TRMT9B: variants seen among roughly 807,000 people sequenced by gnomAD.
TRMT9B encodes probable tRNA methyltransferase 9B.
A neutral mutation model predicts 11.5 loss-of-function variants in TRMT9B; 16 were observed. That is an observed-to-expected ratio of 1.39 (90% CI 0.94 to 2.11). The LOEUF (loss-of-function observed/expected upper bound fraction) is 2.11, where lower values mean the gene tolerates loss of function less well. TRMT9B is among the 30% of genes most tolerant of loss of function. The pLI is 0.00. For synonymous variants in TRMT9B, 274 were observed against 192.4 expected (o/e 1.42, Z -3.51); for missense variants, 941 against 553.8 (o/e 1.70, Z -7.02).
chr8:12,971,267 GTT>G (rs1803580409), intron 1 of TRMT9B, among the ~76,000 whole-genome samples: 2 of 147,758 alleles, frequency 1.4e-5, no homozygotes, highest in African/African-American at 5.0e-5. Flanking sequence ...TTTTTGTTTT[GTT>G]TTTCATTTTG....
intron 3 of TRMT9B, among the ~76,000 whole-genome samples, chr8:13,008,722 T>C (rs71522323): frequency 0.048 from 7,355 of 151,990 alleles, 227 homozygotes; most frequent in South Asian, 0.091. Flanking sequence ...GTCATAGAAA[T>C]CTAGATAATT....
At chr8:12,971,733 C>T (rs888122297) in intron 1 of TRMT9B, among the ~76,000 whole-genome samples, 3 of 152,176 alleles carry the variant, frequency 2.0e-5, no homozygotes, top group Non-Finnish European at 4.4e-5. Context: ...AGTTCAGCTA[C>T]TTATTTTCCT....
chr8:12,971,393 C>T (rs940135277), intron 1 of TRMT9B, among the ~76,000 whole-genome samples: 3 of 152,124 alleles, frequency 2.0e-5, no homozygotes, highest in South Asian at 2.1e-4. Context: ...AGGGTTCTCC[C>T]GGTACAGCAT....
In TRMT9B at chr8:13,021,943, A is replaced by G. The variant is rs1157625827; in HGVS notation, c.1264A>G (p.Ser422Gly). 2 of 1,613,732 alleles carry G rather than the reference A, an allele frequency of 1.2e-6. No homozygotes were observed. The highest frequency in any genetic ancestry group is 1.1e-5 in the South Asian group (1 of 91,050). Residue 422 changes from serine (S) to glycine (G), a missense_variant, in exon 5 of 5, where the codon AGT (serine) becomes GGT (glycine). Transcript: ENST00000524591. ...TGTGTTTCGAGAAGGGGAGCTCTGC[A>G]GTCTGCTCAAGGAGAATGTGTCAGA... ...YHVFREGELC[S>G]LLKENVSELR...
chr8:13,016,689 T>G (rs1338918273), intron 4 of TRMT9B, among the ~76,000 whole-genome samples: 2 of 151,732 alleles, frequency 1.3e-5, no homozygotes, highest in East Asian at 1.9e-4. Flanking sequence ...TGGTGGCGCA[T>G]TAACATAGGA....
chr8:13,001,435 C>T (rs1034247415), intron 2 of TRMT9B, among the ~76,000 whole-genome samples: 1 of 152,196 alleles, frequency 6.6e-6, no homozygotes, highest in African/African-American at 2.4e-5. Context: ...AAAACGTTTA[C>T]CGTCTCATAC....
chr8:12,952,191 G>A (rs2272623), intron 1 of TRMT9B: 219,403 of 453,762 alleles, frequency 0.48, 57,590 homozygotes, highest in African/African-American at 0.77. Context: ...CACACCGTGC[G>A]GAAAGCGCCG....
At position 13,006,274 on chromosome 8, in the gene TRMT9B, C is replaced by T. The variant is rs1810441713; in HGVS notation, c.72C>T (p.Phe24=). The part of the protein sequence containing the change: ...HNVYESTAPY[F]SDLQSKAWPR... ...TGTACGAGAGCACAGCCCCTTACTT[C>T]AGCGACCTGCAGAGCAAAGCCTGGC... The change falls in exon 3 of 5, where the codon TTC becomes TTT. Residue 24 remains phenylalanine, a synonymous_variant. Transcript: ENST00000524591. 4 of 1,613,976 alleles carry T rather than the reference C, an allele frequency of 2.5e-6. No homozygotes were observed. The South Asian group carries it at 4.4e-5, about 18-fold the overall frequency.
chr8:12,959,074 C>A (rs1363260918), intron 1 of TRMT9B, among the ~76,000 whole-genome samples: 1 of 152,030 alleles, frequency 6.6e-6, no homozygotes, highest in Non-Finnish European at 1.5e-5. Context: ...CACATGTACC[C>A]TAGAACTTAA....
At chr8:12,976,574 T>C (rs1391248566) in intron 1 of TRMT9B, among the ~76,000 whole-genome samples, 1 of 152,028 alleles carries the variant, frequency 6.6e-6, no homozygotes, top group Non-Finnish European at 1.5e-5. Flanking sequence ...ACCCTGTCTC[T>C]ACTAAAAATA....
chr8:13,020,317 G>A lies in TRMT9B; in HGVS notation c.329-691G>A, dbSNP rs1050518679. 2.6e-5 allele frequency among the ~76,000 whole-genome samples: 4 copies of A among 152,164 alleles called. No individual in the cohort carries two copies. In the East Asian group the frequency reaches 7.7e-4, roughly 29 times the overall value. On this transcript the variant is annotated intron_variant, in intron 4 of 4. Coordinates refer to ENST00000524591, the MANE Select transcript of TRMT9B (RefSeq NM_020844.3). ...AACTAACAGACTAGCACTTTTATTG[G>A]CAGATAAAATTATGCCTAATAACAC...
intron 3 of TRMT9B, chr8:13,012,116 C>G: frequency 1.0e-6 from 1 of 985,528 alleles, no homozygotes; most frequent in South Asian, 4.7e-5. Flanking sequence ...CGCCAGTGTA[C>G]TGAGCCCTGT....
At position 13,026,026 on chromosome 8, in the gene TRMT9B, C is replaced by T. The variant is rs991212134; in HGVS notation, c.*3982C>T. ...TTTAAATTAAATTAATACATATATA[C>T]GAGTTTGGAGGAGAACAGAAGTTCT... is the stretch of plus-strand genomic sequence containing the variant. On this transcript the variant is annotated 3_prime_UTR_variant, in exon 5 of 5. Coordinates refer to ENST00000524591, the MANE Select transcript of TRMT9B (RefSeq NM_020844.3). The T allele has an allele frequency of 4.4e-4, 73 of 166,866 alleles. No homozygotes were observed. Among genetic ancestry groups the T allele is most frequent in the Non-Finnish European group, 2.2e-4 (15 of 68,078 alleles). The allele number at this position is 166,866 out of a possible 1,614,324, so 10.3% of individuals were successfully genotyped here.
intron 1 of TRMT9B, among the ~76,000 whole-genome samples, chr8:12,953,300 T>A (rs998934223): frequency 7.2e-5 from 11 of 152,218 alleles, no homozygotes; most frequent in African/African-American, 2.7e-4. Flanking sequence ...ATTATTCATG[T>A]GACATCAGCA....
chr8:12,984,827 A>G (rs1052210530), intron 1 of TRMT9B, among the ~76,000 whole-genome samples: 21 of 152,110 alleles, frequency 1.4e-4, no homozygotes, highest in African/African-American at 3.6e-4. Context: ...TATAGTTGCA[A>G]TGAACATGGC....
chr8:12,979,505 T>C (rs1317059143), intron 1 of TRMT9B, among the ~76,000 whole-genome samples: 1 of 152,084 alleles, frequency 6.6e-6, no homozygotes, highest in Non-Finnish European at 1.5e-5. Flanking sequence ...AAATAAAGGT[T>C]TGTGTTTCTT....
At chr8:12,950,105 C>G (rs530328744) in intron 1 of TRMT9B, among the ~76,000 whole-genome samples, 1 of 152,330 alleles carries the variant, frequency 6.6e-6, no homozygotes, top group South Asian at 2.1e-4. Context: ...CCTCCCACCT[C>G]AGCCTCCCAA....
chr8:12,996,334 A>G (rs578250250), intron 2 of TRMT9B, among the ~76,000 whole-genome samples: 1 of 152,272 alleles, frequency 6.6e-6, no homozygotes, highest in South Asian at 2.1e-4. Flanking sequence ...CCCTAACTGA[A>G]ACAACTTCTT....
intron 1 of TRMT9B, among the ~76,000 whole-genome samples, chr8:12,986,229 C>T (rs1263861905): frequency 6.6e-6 from 1 of 152,086 alleles, no homozygotes; most frequent in Non-Finnish European, 1.5e-5. Context: ...CTTCAGTTAC[C>T]ACAGAGACAA....
Sources: gnomAD v4.1 joint callset for allele counts (sites outside exome capture counted in the v4.1 genomes callset) on GRCh38, gnomAD v4.1.1 for gene constraint, MANE v1.5 for transcripts, NCBI Gene and HGNC (gene_info 2026-07-23, HGNC 2026-07-21) for gene names.